SFMBT2: variants seen among roughly 807,000 people sequenced by gnomAD.
SFMBT2 encodes the protein scm-like with four MBT domains protein 2.
In SFMBT2, 38 loss-of-function variants were observed where a neutral mutation model predicts 110.1. That is an observed-to-expected ratio of 0.35 (90% CI 0.27 to 0.45). SFMBT2 has a LOEUF of 0.45. Among genes scored for constraint, SFMBT2 ranks in the 20% least tolerant of loss-of-function variants. SFMBT2 has a pLI of 1.00. For synonymous variants in SFMBT2, 425 were observed against 425.4 expected (o/e 1.00, Z 0.01); for missense variants, 1,011 against 1,094.9 (o/e 0.92, Z 1.08).
intron 4 of SFMBT2, among the ~76,000 whole-genome samples, chr10:7,343,188 T>C (rs998256923): frequency 6.6e-6 from 1 of 152,110 alleles, no homozygotes. Flanking sequence ...TCCAGGGACA[T>C]ACATCCATGT....
chr10:7,198,179 G>A (rs921538231), intron 14 of SFMBT2: 27 of 983,054 alleles, frequency 2.7e-5, no homozygotes, highest in Non-Finnish European at 3.1e-5. Flanking sequence ...GATATTGTTT[G>A]TTTGCTTAAC....
At chr10:7,187,758 T>G (rs543344914) in intron 16 of SFMBT2, among the ~76,000 whole-genome samples, 73 of 152,360 alleles carry the variant, frequency 4.8e-4, no homozygotes, top group African/African-American at 1.7e-3. Context: ...CAATTTTCAC[T>G]ATGAATAGGG....
intron 9 of SFMBT2, 80 bp from the exon 10 acceptor site, chr10:7,228,017 A>G: frequency 1.0e-6 from 1 of 1,000,334 alleles, no homozygotes; most frequent in Non-Finnish European, 1.5e-6. Context: ...AAGGGGTGAA[A>G]GTTTAGGCTC....
chr10:7,173,473 C>T (rs921092336), intron 17 of SFMBT2, among the ~76,000 whole-genome samples: 19 of 152,216 alleles, frequency 1.2e-4, no homozygotes, highest in Admixed American at 5.9e-4. Flanking sequence ...AGCACTTTTC[C>T]TCTTCTCAGA....
intron 9 of SFMBT2, among the ~76,000 whole-genome samples, chr10:7,240,326 C>T (rs1840390796): frequency 6.6e-6 from 1 of 152,172 alleles, no homozygotes; most frequent in South Asian, 2.1e-4. Flanking sequence ...CAGCCTTCCA[C>T]ATCAGTTCAT....
rs1451550763 is a variant in SFMBT2, at chr10:7,172,707, C to G, written c.1985-46G>C. 2 of 1,538,082 alleles carry G rather than the reference C, an allele frequency of 1.3e-6. No homozygotes were observed. Among genetic ancestry groups the G allele is most frequent in the Non-Finnish European group, 1.8e-6 (2 of 1,133,920 alleles). On this transcript the variant is annotated intron_variant, in intron 17 of 20. Transcript: ENST00000397167. This position sits in a 1 kb window ranked among gnomAD's most constrained non-coding sequence, Gnocchi z 4.6. ...AACTTTTGAAGGCTATACACACACA[C>G]AGACATGAACAGAGAGAGGAGAGAG...
At chr10:7,330,725 C>T (rs1288003186) in intron 4 of SFMBT2, among the ~76,000 whole-genome samples, 1 of 152,214 alleles carries the variant, frequency 6.6e-6, no homozygotes, top group East Asian at 1.9e-4. Flanking sequence ...CTCTCTCTCA[C>T]TTCCCATATA....
intron 11 of SFMBT2, among the ~76,000 whole-genome samples, chr10:7,211,739 CT>C (rs1839356319): frequency 6.6e-6 from 1 of 152,226 alleles, no homozygotes; most frequent in South Asian, 2.1e-4. Flanking sequence ...CCCACCCTGG[CT>C]TGAAATGTAA....
At chr10:7,334,983 G>A (rs1289099566) in intron 4 of SFMBT2, among the ~76,000 whole-genome samples, 1 of 152,230 alleles carries the variant, frequency 6.6e-6, no homozygotes, top group South Asian at 2.1e-4. Context: ...ATTGAGGCGG[G>A]AGCATAAATC....
intron 16 of SFMBT2, among the ~76,000 whole-genome samples, chr10:7,185,375 C>T (rs182511035): frequency 6.6e-6 from 1 of 152,284 alleles, no homozygotes; most frequent in East Asian, 1.9e-4. Flanking sequence ...TTAGGGAATC[C>T]TTTTTTTACA....
At chr10:7,235,311 G>A (rs1420302653) in intron 9 of SFMBT2, among the ~76,000 whole-genome samples, 5 of 152,108 alleles carry the variant, frequency 3.3e-5, no homozygotes, top group Admixed American at 6.5e-5. Flanking sequence ...AGGGCACATG[G>A]AACTGCCACA....
chr10:7,228,781 T>TCTCTCTCC (rs1466235599), intron 9 of SFMBT2, among the ~76,000 whole-genome samples: 3 of 110,390 alleles, frequency 2.7e-5, no homozygotes, highest in African/African-American at 9.4e-5. Flanking sequence ...TCTCTCTCTC[T>TCTCTCTCC]CCCCCTCCCT....
At chr10:7,375,751 C>CCACA (rs35306837) in intron 2 of SFMBT2, among the ~76,000 whole-genome samples, 3,595 of 124,682 alleles carry the variant, frequency 0.029, 65 homozygotes, top group African/African-American at 0.041. Flanking sequence ...AAAGAAAAAA[C>CCACA]CACACACACA....
At chr10:7,251,232 T>C (rs993431386) in intron 7 of SFMBT2, among the ~76,000 whole-genome samples, 1 of 150,432 alleles carries the variant, frequency 6.6e-6, no homozygotes, top group African/African-American at 2.4e-5. Context: ...TCCCAGCACT[T>C]TGGGAGGCTG....
chr10:7,172,386 C>G lies in SFMBT2; in HGVS notation c.2151+109G>C. On this transcript the variant is annotated intron_variant, in intron 18 of 20. Coordinates refer to ENST00000397167, the MANE Select transcript of SFMBT2 (RefSeq NM_001387889.1). This position sits in a 1 kb window ranked among gnomAD's most constrained non-coding sequence, Gnocchi z 4.6. ...GGGGGCTCTTCTTCAGTGTTTCTGA[C>G]CATCTTGCCACAATCTCCAGGGCCA... 6.4e-7 allele frequency: 1 copy of G among 1,561,414 alleles called. No individual in the cohort carries two copies. The highest frequency in any genetic ancestry group is 8.6e-7 in the Non-Finnish European group (1 of 1,156,222).
intron 10 of SFMBT2, among the ~76,000 whole-genome samples, chr10:7,222,418 C>CT (rs1839771416): frequency 6.6e-6 from 1 of 152,182 alleles, no homozygotes; most frequent in Admixed American, 6.5e-5. Context: ...TGTCATGGTC[C>CT]TGGAGGCTGG....
At chr10:7,359,311 C>A (rs1458540925) in intron 4 of SFMBT2, among the ~76,000 whole-genome samples, 2 of 152,186 alleles carry the variant, frequency 1.3e-5, no homozygotes, top group African/African-American at 4.8e-5. Flanking sequence ...TGAGCTGCAT[C>A]TGGAGCAGGC....
intron 1 of SFMBT2, among the ~76,000 whole-genome samples, chr10:7,407,251 C>G (rs551765453): frequency 2.6e-5 from 4 of 152,044 alleles, no homozygotes; most frequent in South Asian, 2.1e-4. Flanking sequence ...CTCCCCACCC[C>G]CAACAGCCTC....
At chr10:7,241,207 G>T in intron 9 of SFMBT2, 1 of 428,412 alleles carries the variant, frequency 2.3e-6, no homozygotes, top group Non-Finnish European at 3.1e-6. Context: ...ACCCAGCCGT[G>T]TGGAACTGTA....
Sources: allele counts gnomAD v4.1 joint callset (sites outside exome capture counted in the v4.1 genomes callset), GRCh38; gene constraint gnomAD v4.1.1; non-coding constraint Gnocchi (gnomAD v3.1); transcripts MANE v1.5; gene names NCBI Gene and HGNC (gene_info 2026-07-23, HGNC 2026-07-21).